TLCD4: variants seen among roughly 807,000 people sequenced by gnomAD.
TLCD4 encodes TLC domain containing 4, also known as TLC domain-containing protein 4.
TLCD4 carries 7 observed loss-of-function variants against 24.2 expected under a neutral mutation model. That is an observed-to-expected ratio of 0.29 (90% CI 0.16 to 0.54). TLCD4 has a LOEUF of 0.54. Among genes scored for constraint, TLCD4 ranks in the 20% least tolerant of loss-of-function variants. The pLI is 0.95. For synonymous variants in TLCD4, 103 were observed against 106.4 expected, an observed-to-expected ratio of 0.97 and a Z score of 0.20; for missense variants, 259 against 313.9, an observed-to-expected ratio of 0.82 and a Z score of 1.32.
upstream of TLCD4, among the ~76,000 whole-genome samples, chr1:95,116,427 T>C (rs1223745435): frequency 6.6e-6 from 1 of 152,216 alleles, no homozygotes; most frequent in Non-Finnish European, 1.5e-5. Context: ...TGCGCATGTA[T>C]ATAGTAGATC....
chr1:95,108,768 G>A, the TLCD4 span, among the ~76,000 whole-genome samples: 2 of 152,274 alleles, frequency 1.3e-5, no homozygotes, highest in Admixed American at 1.3e-4. Context: ...TTACCCCACT[G>A]ACTTGAGATG....
At chr1:95,120,731 G>T (rs1372683057) in intron 1 of TLCD4, among the ~76,000 whole-genome samples, 1 of 152,200 alleles carries the variant, frequency 6.6e-6, no homozygotes, top group Non-Finnish European at 1.5e-5. Context: ...AACATTTTCA[G>T]ACTACAACAG....
At chr1:95,159,125 T>C (rs4301674) in intron 5 of TLCD4, among the ~76,000 whole-genome samples, 149,604 of 152,316 alleles carry the variant, frequency 0.98, 73,521 homozygotes, top group East Asian at 1. Flanking sequence ...CTCCCACCAA[T>C]GGTGTAAAAG....
At chr1:95,125,322 T>C (rs1676706001) in intron 1 of TLCD4, among the ~76,000 whole-genome samples, 1 of 152,224 alleles carries the variant, frequency 6.6e-6, no homozygotes, top group East Asian at 1.9e-4. Flanking sequence ...TGTGAAGTAG[T>C]TCAAGGAAAC....
chr1:95,161,743 C>G (rs12064979), intron 5 of TLCD4, among the ~76,000 whole-genome samples: 8 of 151,890 alleles, frequency 5.3e-5, no homozygotes, highest in African/African-American at 1.9e-4. Flanking sequence ...TTATTTCTGC[C>G]TTCATTTCGT....
intron 5 of TLCD4, among the ~76,000 whole-genome samples, chr1:95,170,361 G>T (rs962813525): frequency 7.7e-6 from 1 of 130,422 alleles, no homozygotes; most frequent in Non-Finnish European, 1.6e-5. Flanking sequence ...GAAGAGTCTC[G>T]CTCTGTCCCC....
chr1:95,124,312 A>G (rs1676652128), intron 1 of TLCD4, among the ~76,000 whole-genome samples: 1 of 152,192 alleles, frequency 6.6e-6, no homozygotes. Flanking sequence ...CAGCAAAGAG[A>G]AGAGGCAAAT....
chr1:95,196,378 A>C lies in TLCD4; in HGVS notation c.*4510A>C, dbSNP rs1161826377. On this transcript the variant is annotated 3_prime_UTR_variant, in exon 7 of 7. Coordinates refer to ENST00000370203, the MANE Select transcript of TLCD4 (RefSeq NM_152487.3). ...CCTGCTCTTTAGGGAAAACTTTGCT[A>C]TGGTAATGTTTCTTTGAAAACAAAT... is the stretch of plus-strand genomic sequence containing the variant. 6.6e-6 allele frequency: 1 copy of C among 152,224 alleles called. No individual in the cohort carries two copies. Among genetic ancestry groups the C allele is most frequent in the Non-Finnish European group, 1.5e-5 (1 of 68,040 alleles). The allele number at this position is 152,224 out of a possible 1,614,324, so 9.4% of individuals were successfully genotyped here. A position where few individuals can be genotyped will look rare whatever the true frequency, so the allele number is the denominator to read the frequency against.
rs775134639 is a variant in TLCD4, at chr1:95,148,757, T to C, written c.211T>C (p.Leu71=). 1 of 1,613,854 alleles carries C rather than the reference T, an allele frequency of 6.2e-7. No individual in the cohort carries two copies. Among genetic ancestry groups the C allele is most frequent in the Non-Finnish European group, 8.5e-7 (1 of 1,179,818 alleles). Residue 71 remains leucine (L), a synonymous_variant, in exon 3 of 7, where the codon TTA becomes CTA. Coordinates refer to ENST00000370203, the MANE Select transcript of TLCD4 (RefSeq NM_152487.3). ...VVGIFGLYIF[L]FDEATKADPL... ...TGGTATTTTTGGCCTGTACATTTTC[T>C]TATTCGATGAGGCTACTAAAGCTGA...
At chr1:95,104,679 A>AG in the TLCD4 span, among the ~76,000 whole-genome samples, 1 of 147,952 alleles carries the variant, frequency 6.8e-6, no homozygotes, top group Non-Finnish European at 1.5e-5. Context: ...AAAAAAAAAA[A>AG]AGCGTTTAAC....
intron 3 of TLCD4, 102 bp downstream of exon 3, chr1:95,148,893 T>C: frequency 7.3e-7 from 1 of 1,371,464 alleles, no homozygotes; most frequent in Non-Finnish European, 9.7e-7. Flanking sequence ...ATATTGATCG[T>C]ATATGCCTTA....
chr1:95,151,473 A>G, intron 5 of TLCD4, 54 bp downstream of exon 5: 3 of 1,572,742 alleles, frequency 1.9e-6, no homozygotes, highest in Non-Finnish European at 1.7e-6. Flanking sequence ...GGGAATAGTG[A>G]TGTAAAGGTG....
upstream of TLCD4, among the ~76,000 whole-genome samples, chr1:95,113,836 T>C (rs1676382696): frequency 6.6e-6 from 1 of 152,116 alleles, no homozygotes; most frequent in Non-Finnish European, 1.5e-5. Context: ...GGATTGTTTC[T>C]GTATTTTATG....
chr1:95,155,630 GCTAT>G (rs981052071), intron 5 of TLCD4, among the ~76,000 whole-genome samples: 9 of 151,988 alleles, frequency 5.9e-5, no homozygotes, highest in African/African-American at 1.7e-4. Flanking sequence ...CACATGTGAT[GCTAT>G]CTGTCATTGG....
In TLCD4 at chr1:95,120,657, C is replaced by T. The variant is rs532781259; in HGVS notation, c.-12+3040C>T. Among the ~76,000 whole-genome samples, 463 of 152,288 alleles carry T rather than the reference C, an allele frequency of 3.0e-3. 1 individual carries two copies. The highest frequency in any genetic ancestry group is 5.3e-3 in the Non-Finnish European group (361 of 68,030). ...ACTGGAGGAAGGGAGTCCCAGACAG[C>T]GGGACCAATATCATGGGTGGAGTTT... On this transcript the variant is annotated intron_variant, in intron 1 of 6. Coordinates refer to ENST00000370203, the MANE Select transcript of TLCD4 (RefSeq NM_152487.3).
the TLCD4 span, among the ~76,000 whole-genome samples, chr1:95,096,252 C>T: frequency 5.3e-5 from 8 of 152,196 alleles, no homozygotes; most frequent in Non-Finnish European, 8.8e-5. Flanking sequence ...AGGTCCACTG[C>T]CTGTTTTTGT....
intron 1 of TLCD4, among the ~76,000 whole-genome samples, chr1:95,139,651 G>T (rs964872972): frequency 3.3e-5 from 5 of 151,266 alleles, no homozygotes; most frequent in Admixed American, 6.6e-5. Flanking sequence ...GTAGAGATGG[G>T]GTTTCACCAT....
intron 5 of TLCD4, among the ~76,000 whole-genome samples, chr1:95,169,506 A>C (rs983373354): frequency 2.6e-5 from 4 of 152,214 alleles, no homozygotes; most frequent in Admixed American, 2.6e-4. Flanking sequence ...AAAATCATGA[A>C]GTCAGGTTTT....
At chr1:95,125,579 A>G (rs1444836086) in intron 1 of TLCD4, 1 of 152,206 alleles carries the variant, frequency 6.6e-6, no homozygotes, top group African/African-American at 2.4e-5. Flanking sequence ...TGAACAATCA[A>G]TGGAGACAAC....
Sources: gnomAD v4.1 joint callset for allele counts (sites outside exome capture counted in the v4.1 genomes callset) on GRCh38, gnomAD v4.1.1 for gene constraint, MANE v1.5 for transcripts, NCBI Gene and HGNC (gene_info 2026-07-23, HGNC 2026-07-21) for gene names.